USP12: variants seen among roughly 807,000 people sequenced by gnomAD.
The protein encoded by USP12 is ubiquitin carboxyl-terminal hydrolase 12.
Under a neutral mutation model 45.5 loss-of-function variants are expected in USP12, and 19 were observed. The ratio of observed to expected loss-of-function variants is 0.42; its 90% confidence interval spans 0.29 to 0.61. The LOEUF is 0.61. Ranked by LOEUF, USP12 falls within the 20% of genes least tolerant of loss-of-function variation. The pLI, the probability that USP12 is intolerant of heterozygous loss-of-function variation, is 0.22. For missense variants in USP12, 242 were observed against 447.7 expected (o/e 0.54, Z 4.15); for synonymous variants, 149 against 148.8 (o/e 1.00, Z -0.01).
intron 1 of USP12, among the ~76,000 whole-genome samples, chr13:27,152,156 T>C (rs1035602458): frequency 1.3e-5 from 2 of 152,088 alleles, no homozygotes; most frequent in East Asian, 3.9e-4. Flanking sequence ...AAACAAAACA[T>C]ATGTCCATAA....
chr13:27,068,013 G>C lies in USP12; in HGVS notation c.*1270C>G, dbSNP rs554975681. On this transcript the variant is annotated 3_prime_UTR_variant, in exon 9 of 9. Transcript: ENST00000282344. Reference sequence around the variant, plus strand: ...CCCTTCCAGTAAGATTTGTAAAGGTGGGGGGAAGGGAAGGAAGGACTTGTC... The same window carrying C: ...CCCTTCCAGTAAGATTTGTAAAGGTCGGGGGAAGGGAAGGAAGGACTTGTC... 1 of 152,214 alleles carries C rather than the reference G, an allele frequency of 6.6e-6. No individual in the cohort carries two copies. Among genetic ancestry groups the C allele is most frequent in the African/African-American group, 2.4e-5 (1 of 41,548 alleles). The allele number at this position is 152,214 out of a possible 1,614,324, so 9.4% of individuals were successfully genotyped here. A position where few individuals can be genotyped will look rare whatever the true frequency, so the allele number is the denominator to read the frequency against.
At chr13:27,156,203 C>T (rs1428792572) in intron 1 of USP12, among the ~76,000 whole-genome samples, 1 of 130,892 alleles carries the variant, frequency 7.6e-6, no homozygotes, top group African/African-American at 2.9e-5. Flanking sequence ...ACCACTTGTA[C>T]CTCAACTCCT....
chr13:27,156,939 C>T (rs867080185), intron 1 of USP12, among the ~76,000 whole-genome samples: 1 of 152,170 alleles, frequency 6.6e-6, no homozygotes, highest in Non-Finnish European at 1.5e-5. Flanking sequence ...AGACTAAATA[C>T]GGAGAGGTCT....
chr13:27,168,416 G>A (rs989031638), intron 1 of USP12, among the ~76,000 whole-genome samples: 1 of 152,164 alleles, frequency 6.6e-6, no homozygotes, highest in Non-Finnish European at 1.5e-5. Flanking sequence ...GACCACTACT[G>A]CATGCCCATG....
chr13:27,134,182 G>A (rs887671215), intron 1 of USP12, among the ~76,000 whole-genome samples: 1 of 152,190 alleles, frequency 6.6e-6, no homozygotes, highest in African/African-American at 2.4e-5. Context: ...TGACTGAAAT[G>A]TGTGACTGCC....
chr13:27,166,716 GATC>G (rs1330242481), intron 1 of USP12, among the ~76,000 whole-genome samples: 2 of 152,066 alleles, frequency 1.3e-5, no homozygotes, highest in Non-Finnish European at 2.9e-5. Context: ...AAAAATTTCA[GATC>G]ATAACAAGTC....
intron 1 of USP12, among the ~76,000 whole-genome samples, chr13:27,155,065 A>ATTT: frequency 2.1e-5 from 2 of 94,688 alleles, no homozygotes; most frequent in Non-Finnish European, 4.2e-5. Flanking sequence ...GATGTCCACA[A>ATTT]CTTTTTTTTT....
intron 2 of USP12, among the ~76,000 whole-genome samples, chr13:27,109,912 C>CAAAAACA (rs1875343567): frequency 9.2e-6 from 1 of 108,374 alleles, no homozygotes; most frequent in Non-Finnish European, 1.8e-5. Context: ...ACTCTGTCTC[C>CAAAAACA]AAAAAAAAAA....
chr13:27,167,813 A>G (rs1341919130), intron 1 of USP12, among the ~76,000 whole-genome samples: 1 of 152,098 alleles, frequency 6.6e-6, no homozygotes, highest in East Asian at 1.9e-4. Flanking sequence ...ATTCCCAACA[A>G]CGCATGGGCT....
In USP12 at chr13:27,066,196, T is replaced by C. The variant is rs1872983646; in HGVS notation, c.*3087A>G. 1 of 152,232 alleles carries C rather than the reference T, an allele frequency of 6.6e-6. No homozygotes were observed. The allele number at this position is 152,232 out of a possible 1,614,324, so 9.4% of individuals were successfully genotyped here. A position where few individuals can be genotyped will look rare whatever the true frequency, so the allele number is the denominator to read the frequency against. ...TTTAATAGATATTATTTTGTATTTA[T>C]ATAGTGCCTTCTTCAAGAACCTTAA... On this transcript the variant is annotated 3_prime_UTR_variant, in exon 9 of 9. Transcript: ENST00000282344.
At chr13:27,084,902 T>G (rs891469116) in intron 6 of USP12, among the ~76,000 whole-genome samples, 1 of 152,174 alleles carries the variant, frequency 6.6e-6, no homozygotes, top group African/African-American at 2.4e-5. Context: ...TTTTTGGATG[T>G]TTTTTTCTAT....
chr13:27,150,704 C>T (rs1877528176), intron 1 of USP12, among the ~76,000 whole-genome samples: 1 of 152,174 alleles, frequency 6.6e-6, no homozygotes, highest in Non-Finnish European at 1.5e-5. Flanking sequence ...TACTGGCAGA[C>T]AGGCAAACAT....
chr13:27,120,170 A>G (rs1053581901), intron 1 of USP12, among the ~76,000 whole-genome samples: 1 of 152,236 alleles, frequency 6.6e-6, no homozygotes, highest in African/African-American at 2.4e-5. Flanking sequence ...AAGGCTGACA[A>G]ATTCTATTAC....
intron 1 of USP12, among the ~76,000 whole-genome samples, chr13:27,156,859 T>A (rs746096248): frequency 7.9e-5 from 12 of 152,070 alleles, no homozygotes; most frequent in Non-Finnish European, 1.6e-4. Flanking sequence ...AATGATTTTA[T>A]GGTTGTCTTT....
intron 6 of USP12, among the ~76,000 whole-genome samples, chr13:27,086,282 T>TACACACACACAC (rs71083627): frequency 2.2e-5 from 3 of 137,412 alleles, no homozygotes; most frequent in Admixed American, 1.5e-4. Flanking sequence ...TATATATAAT[T>TACACACACACAC]ACACACACAC....
intron 1 of USP12, among the ~76,000 whole-genome samples, chr13:27,161,947 A>G (rs1242288541): frequency 6.6e-6 from 1 of 151,918 alleles, no homozygotes; most frequent in East Asian, 1.9e-4. Context: ...TTAACATAGT[A>G]AAGATTTTAA....
chr13:27,090,857 T>TAA (rs1245552621), intron 4 of USP12, among the ~76,000 whole-genome samples: 1 of 152,182 alleles, frequency 6.6e-6, no homozygotes, highest in African/African-American at 2.4e-5. Context: ...TATTAGCACA[T>TAA]AGAGTTGTTC....
intron 2 of USP12, among the ~76,000 whole-genome samples, chr13:27,108,892 G>A (rs1875283755): frequency 6.6e-6 from 1 of 152,184 alleles, no homozygotes; most frequent in African/African-American, 2.4e-5. Flanking sequence ...AGTGAGCCAA[G>A]ATGGTACCAC....
intron 1 of USP12, among the ~76,000 whole-genome samples, chr13:27,148,055 A>C (rs1566003484): frequency 2.0e-5 from 3 of 151,888 alleles, no homozygotes. Flanking sequence ...CTTGGGCCCA[A>C]GAGGTTGAGG....
Sources: allele counts gnomAD v4.1 joint callset (sites outside exome capture counted in the v4.1 genomes callset), GRCh38; gene constraint gnomAD v4.1.1; transcripts MANE v1.5; gene names NCBI Gene and HGNC (gene_info 2026-07-23, HGNC 2026-07-21).